The following MNT variants were observed in gnomAD, a reference collection of about 807,000 sequenced individuals.
The protein encoded by MNT is max-binding protein MNT.
Under a neutral mutation model 40.7 loss-of-function variants are expected in MNT, and 13 were observed. The observed-to-expected ratio is 0.32, with a 90% CI of 0.21 to 0.51. MNT has a LOEUF of 0.51. MNT is among the 20% of genes least tolerant of loss of function. The pLI is 0.98. For synonymous variants in MNT, 426 were observed against 354.8 expected (o/e 1.20, Z -2.26); for missense variants, 757 against 792.0 (o/e 0.96, Z 0.53).
chr17:2,387,915 G>A lies in MNT; in HGVS notation c.942C>T (p.Arg314=), dbSNP rs61733098. Residue 314 remains arginine, a synonymous_variant, in exon 5 of 6, where the codon CGC becomes CGT. Coordinates refer to ENST00000174618, the MANE Select transcript of MNT (RefSeq NM_020310.3). ...SQWMDVLEID[R]VLRQTGQPED... ...CGGGCTGGCCCGTCTGCCGCAGCAC[G>A]CGGTCAATCTCCAGTACGTCCATCC... 837 of 1,607,890 alleles carry A rather than the reference G, an allele frequency of 5.2e-4. No individual in the cohort carries two copies. Among genetic ancestry groups the A allele is most frequent in the Middle Eastern group, 7.2e-4 (4 of 5,570 alleles).
rs541233563 is a variant in MNT, at chr17:2,395,499, C to T, written c.74-45G>A. The T allele has an allele frequency of 1.2e-5, 20 of 1,602,980 alleles. No individual in the cohort carries two copies. The South Asian group carries it at 2.2e-4, about 18-fold the overall frequency. On this transcript the variant is annotated intron_variant, in intron 1 of 5. Transcript: ENST00000174618. ...GGGGGGGAGGGTCTCAGCGGGGCCC[C>T]AGAACTCCAGCCCTAACTCGTCCTC... is the stretch of plus-strand genomic sequence containing the variant.
rs2066452263 is a variant in MNT, at chr17:2,385,689, A to C, written c.*1212T>G. 1 of 152,382 alleles carries C rather than the reference A, an allele frequency of 6.6e-6. No homozygotes were observed. Among genetic ancestry groups the C allele is most frequent in the East Asian group, 1.9e-4 (1 of 5,196 alleles). 9.4% of individuals were successfully genotyped at this position (152,382 alleles called of 1,614,324 possible). A position where few individuals can be genotyped will look rare whatever the true frequency, so the allele number is the denominator to read the frequency against. ...CGTCCCCGGGAGAAGCAGGGTGTTG[A>C]GGGGATGGGAGGACAGAGGCAAAGG... On this transcript the variant is annotated 3_prime_UTR_variant, in exon 6 of 6. Coordinates refer to ENST00000174618, the MANE Select transcript of MNT (RefSeq NM_020310.3).
chr17:2,387,797 G>A (rs1300729436), intron 5 of MNT, 60 bp downstream of exon 5: 4 of 1,552,420 alleles, frequency 2.6e-6, no homozygotes, highest in Non-Finnish European at 3.5e-6. Flanking sequence ...GGCCAGGGAG[G>A]CTGGAATTTG....
At chr17:2,399,513 C>G (rs1597423420) in intron 1 of MNT, among the ~76,000 whole-genome samples, 1 of 152,310 alleles carries the variant, frequency 6.6e-6, no homozygotes, top group East Asian at 1.9e-4. Context: ...CGGGATCAAA[C>G]ACAGGAGGTT....
At chr17:2,388,795 C>T (rs565922400) in intron 4 of MNT, among the ~76,000 whole-genome samples, 1 of 151,812 alleles carries the variant, frequency 6.6e-6, no homozygotes, top group Admixed American at 6.6e-5. Context: ...GTGCTCCAAC[C>T]CGACACTTCA....
In MNT at chr17:2,387,249, G is replaced by A. The variant is rs1315634471; in HGVS notation, c.1401C>T (p.Ile467=). ...HVLQGPGGKH[I]AHIAPSAPSP... is the part of the protein sequence containing the mutation. Reference sequence around the variant, plus strand: ...TGGGGGCCGAGGGGGCGATGTGGGCGATGTGCTTGCCGCCTGGCCCCTGCA... The same window carrying A: ...TGGGGGCCGAGGGGGCGATGTGGGCAATGTGCTTGCCGCCTGGCCCCTGCA... The change falls in exon 6 of 6, where the codon ATC becomes ATT. Residue 467 remains isoleucine, a synonymous_variant. Coordinates refer to ENST00000174618, the MANE Select transcript of MNT (RefSeq NM_020310.3). 1.1e-5 allele frequency: 17 copies of A among 1,612,718 alleles called. No individual in the cohort carries two copies. Among genetic ancestry groups the A allele is most frequent in the African/African-American group, 2.7e-5 (2 of 74,902 alleles).
intron 1 of MNT, 56 bp downstream of exon 1, chr17:2,400,584 C>T (rs2066608096): frequency 2.0e-6 from 3 of 1,512,524 alleles, no homozygotes; most frequent in East Asian, 2.6e-5. Context: ...GTTCGGGGAC[C>T]GGGGTCACTC....
Position 2,395,039 on chromosome 17 carries a change from G to A in MNT, c.489C>T (p.Pro163=). 6.3e-7 allele frequency: 1 copy of A among 1,585,856 alleles called. No homozygotes were observed. ...SKATIPPNGS[P]KPLQPLPTPV... is the part of the protein sequence containing the mutation. ...GCGTGGGGAGGGGCTGCAAAGGCTT[G>A]GGGCTGCCATTGGGTGGAATGGTGG... Residue 163 remains proline (P), a synonymous_variant, in exon 2 of 6, where the codon CCC becomes CCT. Transcript: ENST00000174618.
At chr17:2,393,579 G>C (rs986334960) in intron 4 of MNT, among the ~76,000 whole-genome samples, 1 of 152,182 alleles carries the variant, frequency 6.6e-6, no homozygotes, top group African/African-American at 2.4e-5. Context: ...GGCTCGGCCC[G>C]CGCCGCAGCG....
At position 2,401,017 on chromosome 17, in the gene MNT, G is replaced by C; in HGVS notation, c.-305C>G. The C allele has an allele frequency of 3.7e-6, 1 of 267,678 alleles. No homozygotes were observed. Among genetic ancestry groups the C allele is most frequent in the South Asian group, 6.5e-5 (1 of 15,464 alleles). 16.6% of individuals were successfully genotyped at this position (267,678 alleles called of 1,614,324 possible). A position where few individuals can be genotyped will look rare whatever the true frequency, so the allele number is the denominator to read the frequency against. On this transcript the variant is annotated 5_prime_UTR_variant, in exon 1 of 6. Transcript: ENST00000174618. ...CCCTTCCGATGCCTCCCGCCCCGCG[G>C]CCCCCGGGAGTCCCGCCGACAAGAA...
At chr17:2,390,055 C>A (rs985690735) in intron 4 of MNT, 2 of 152,202 alleles carry the variant, frequency 1.3e-5, no homozygotes, top group Non-Finnish European at 2.9e-5. Context: ...CATACAAAGT[C>A]TCTCACATAC....
chr17:2,386,694 C>G lies in MNT; in HGVS notation c.*207G>C. The stretch of plus-strand genomic sequence containing the variant: ...ATTCCATCAGAGTCTCGCATTTTCT[C>G]AGAGTCATCTTACCAAGTCCTAGTG... On this transcript the variant is annotated 3_prime_UTR_variant, in exon 6 of 6. Coordinates refer to ENST00000174618, the MANE Select transcript of MNT (RefSeq NM_020310.3). 2.0e-6 allele frequency: 1 copy of G among 493,056 alleles called. No individual in the cohort carries two copies. Among genetic ancestry groups the G allele is most frequent in the Non-Finnish European group, 3.5e-6 (1 of 286,152 alleles). The allele number at this position is 493,056 out of a possible 1,614,324, so 30.5% of individuals were successfully genotyped here.
chr17:2,390,286 C>T lies in MNT; in HGVS notation c.808-2237G>A, dbSNP rs143207153. 9.8e-4 allele frequency: 150 copies of T among 152,446 alleles called. 1 individual carries two copies. The highest frequency in any genetic ancestry group is 5.2e-3 in the South Asian group (25 of 4,830). The allele number at this position is 152,446 out of a possible 1,614,324, so 9.4% of individuals were successfully genotyped here. A position where few individuals can be genotyped will look rare whatever the true frequency, so the allele number is the denominator to read the frequency against. On this transcript the variant is annotated intron_variant, in intron 4 of 5. Coordinates refer to ENST00000174618, the MANE Select transcript of MNT (RefSeq NM_020310.3). ...CCTCTGTCCTGTCTCTTCCCTGCAT[C>T]GCAGGGAGAATCACAGTAACCCATT...
intron 3 of MNT, 25 bp downstream of exon 3, chr17:2,394,280 C>A: frequency 7.1e-7 from 1 of 1,398,852 alleles, no homozygotes; most frequent in Admixed American, 1.8e-5. Context: ...CACGCACGCA[C>A]ACACACACAC....
rs142943397 is a variant in MNT, at chr17:2,387,465, G to A, written c.1185C>T (p.His395=). Residue 395 remains histidine, a synonymous_variant, in exon 6 of 6, where the codon CAC becomes CAT. Transcript: ENST00000174618. The part of the protein sequence containing the change: ...HPHSVALPPA[H]LPVQQQQPQQ... Reference sequence around the variant, plus strand: ...GTGGCTGCTGCTGCTGCACGGGGAGGTGGGCAGGAGGTAGGGCCACGGAGT... The same window carrying A: ...GTGGCTGCTGCTGCTGCACGGGGAGATGGGCAGGAGGTAGGGCCACGGAGT... 4.0e-5 allele frequency: 64 copies of A among 1,611,866 alleles called. No individual in the cohort carries two copies. In the African/African-American group the frequency reaches 7.3e-4, roughly 18 times the overall value.
intron 1 of MNT, 54 bp from the exon 2 acceptor site, chr17:2,395,508 A>T: frequency 6.2e-7 from 1 of 1,601,144 alleles, no homozygotes; most frequent in Non-Finnish European, 8.5e-7. Context: ...CCAGAACTCC[A>T]GCCCTAACTC....
intron 4 of MNT, chr17:2,392,905 G>C (rs1486472123): frequency 6.6e-6 from 1 of 152,274 alleles, no homozygotes; most frequent in East Asian, 1.9e-4. Context: ...CTGGGAGAGA[G>C]CTGCCCCCCT....
At chr17:2,391,012 A>C (rs547680914) in intron 4 of MNT, 1 of 152,354 alleles carries the variant, frequency 6.6e-6, no homozygotes, top group South Asian at 2.1e-4. Flanking sequence ...TTTTGGAGAC[A>C]GAGTCCCGCT....
intron 4 of MNT, chr17:2,389,991 C>A (rs971816445): frequency 2.6e-5 from 4 of 152,100 alleles, no homozygotes; most frequent in Non-Finnish European, 5.9e-5. Flanking sequence ...AGAGCCCCAT[C>A]TGCCTGGGCA....
Sources: gnomAD v4.1 joint callset for allele counts (sites outside exome capture counted in the v4.1 genomes callset) on GRCh38, gnomAD v4.1.1 for gene constraint, MANE v1.5 for transcripts, NCBI Gene and HGNC (gene_info 2026-07-23, HGNC 2026-07-21) for gene names.